FSTL4: variants seen among roughly 807,000 people sequenced by gnomAD.
FSTL4 encodes the protein follistatin-related protein 4.
FSTL4 carries 28 observed loss-of-function variants against 78.2 expected under a neutral mutation model. The observed-to-expected ratio is 0.36, with a 90% confidence interval of 0.27 to 0.49. FSTL4 has a LOEUF of 0.49. FSTL4 is among the 20% of genes least tolerant of loss of function. The pLI, the probability that FSTL4 is intolerant of heterozygous loss-of-function variation, is 0.98. For missense variants in FSTL4, 922 were observed against 1,084.9 expected, an observed-to-expected ratio of 0.85 and a Z score of 2.11; for synonymous variants, 422 against 440.5, an observed-to-expected ratio of 0.96 and a Z score of 0.53.
chr5:133,598,161 A>G (rs1272534579), intron 2 of FSTL4, among the ~76,000 whole-genome samples: 1 of 152,086 alleles, frequency 6.6e-6, no homozygotes, highest in African/African-American at 2.4e-5. Flanking sequence ...TGCAGTCAGC[A>G]TCATGTCAGC....
the FSTL4 span, among the ~76,000 whole-genome samples, chr5:133,785,085 C>T: frequency 0.14 from 21,628 of 152,136 alleles, 1,693 homozygotes; most frequent in East Asian, 0.32. Context: ...GATCTACTCC[C>T]GACAGGGCAC....
the FSTL4 span, among the ~76,000 whole-genome samples, chr5:133,789,342 T>C: frequency 1.3e-5 from 2 of 152,318 alleles, no homozygotes; most frequent in East Asian, 3.9e-4. Flanking sequence ...ACTCTTAATA[T>C]CAGGCATTAG....
intron 3 of FSTL4, among the ~76,000 whole-genome samples, chr5:133,530,619 T>C (rs1260588550): frequency 6.6e-6 from 1 of 152,198 alleles, no homozygotes; most frequent in Non-Finnish European, 1.5e-5. Flanking sequence ...CTGGAGAACA[T>C]ATGAGTTTAG....
In FSTL4 at chr5:133,233,780, C is replaced by G. The variant is rs142275476; in HGVS notation, c.895-243G>C. Among the ~76,000 whole-genome samples, 275 of 152,300 alleles carry G rather than the reference C, an allele frequency of 1.8e-3. 1 individual carries two copies. The highest frequency in any genetic ancestry group is 2.8e-3 in the Non-Finnish European group (191 of 68,030). ...AGGCCTTGTGTACCTGGCCCCTCCT[C>G]CACGAGGCCCGGTTTGAACACATCC... is the stretch of plus-strand genomic sequence containing the variant. On this transcript the variant is annotated intron_variant, in intron 7 of 15. Transcript: ENST00000265342.
chr5:133,687,142 C>A, the FSTL4 span, among the ~76,000 whole-genome samples: 1 of 152,088 alleles, frequency 6.6e-6, no homozygotes, highest in Non-Finnish European at 1.5e-5. Context: ...GACTGAGGAC[C>A]CCACATGTCA....
intron 4 of FSTL4, among the ~76,000 whole-genome samples, chr5:133,317,679 G>A (rs531138723): frequency 6.6e-6 from 1 of 152,240 alleles, no homozygotes; most frequent in Non-Finnish European, 1.5e-5. Context: ...TTGAGCTCTA[G>A]CTCTGCTGCC....
At chr5:133,387,789 G>C (rs1398109605) in intron 4 of FSTL4, 2 of 152,164 alleles carry the variant, frequency 1.3e-5, no homozygotes, top group African/African-American at 4.8e-5. Flanking sequence ...AGCCCTGCAT[G>C]CTTTCTGGGG....
At chr5:133,657,015 A>C in the FSTL4 span, among the ~76,000 whole-genome samples, 1 of 152,234 alleles carries the variant, frequency 6.6e-6, no homozygotes, top group Non-Finnish European at 1.5e-5. Flanking sequence ...ATTGACTAAG[A>C]TGGAGAAGAT....
the FSTL4 span, among the ~76,000 whole-genome samples, chr5:133,700,862 G>A: frequency 4.0e-4 from 61 of 152,250 alleles, no homozygotes; most frequent in African/African-American, 1.3e-3. Flanking sequence ...AGTTATTCCC[G>A]GCCTTCATTT....
chr5:133,465,955 C>T (rs1451969282), intron 3 of FSTL4, among the ~76,000 whole-genome samples: 1 of 152,196 alleles, frequency 6.6e-6, no homozygotes. Flanking sequence ...AACAAGCTTC[C>T]AGTGCTTATG....
At chr5:133,630,215 T>C in the FSTL4 span, among the ~76,000 whole-genome samples, 1 of 152,284 alleles carries the variant, frequency 6.6e-6, no homozygotes, top group Admixed American at 6.5e-5. Context: ...TTGTCTCTGT[T>C]TGCAGATGAC....
At chr5:133,834,977 A>G in the FSTL4 span, among the ~76,000 whole-genome samples, 1 of 152,122 alleles carries the variant, frequency 6.6e-6, no homozygotes, top group Non-Finnish European at 1.5e-5. Flanking sequence ...CACTGAACAT[A>G]TATGTGTAAA....
the FSTL4 span, among the ~76,000 whole-genome samples, chr5:133,835,764 A>G: frequency 3.9e-4 from 60 of 152,262 alleles, no homozygotes; most frequent in Non-Finnish European, 7.2e-4. Context: ...AAAAAAATAT[A>G]TGGGAGAAAA....
At chr5:133,748,458 C>A in the FSTL4 span, among the ~76,000 whole-genome samples, 1 of 151,964 alleles carries the variant, frequency 6.6e-6, no homozygotes, top group South Asian at 2.1e-4. Context: ...GTAATCCCAG[C>A]TACTCTGGAG....
At chr5:133,219,732 C>T (rs766161180) in intron 12 of FSTL4, among the ~76,000 whole-genome samples, 5 of 152,350 alleles carry the variant, frequency 3.3e-5, no homozygotes, top group Non-Finnish European at 1.5e-5. Flanking sequence ...GCTTCTTATC[C>T]AGGAAAACTG....
At chr5:133,809,019 C>T in the FSTL4 span, among the ~76,000 whole-genome samples, 1 of 152,012 alleles carries the variant, frequency 6.6e-6, no homozygotes, top group Non-Finnish European at 1.5e-5. Flanking sequence ...GTTGTGTGAA[C>T]TTGAGTATAA....
chr5:133,268,184 A>G (rs1367985875), intron 6 of FSTL4, among the ~76,000 whole-genome samples: 1 of 152,210 alleles, frequency 6.6e-6, no homozygotes, highest in Non-Finnish European at 1.5e-5. Context: ...CCCACTCAAC[A>G]GGCTTTAGCA....
At position 133,405,216 on chromosome 5, in the gene FSTL4, T is replaced by A. The variant is rs566374889; in HGVS notation, c.161-4230A>T. ...TCCACAACCTCACCCCAACTCACTA[T>A]GAGGCCTCAATGAGGTGATGGCTTG... On this transcript the variant is annotated intron_variant, in intron 3 of 15. Transcript: ENST00000265342. 2.6e-5 allele frequency among the ~76,000 whole-genome samples: 4 copies of A among 152,292 alleles called. No homozygotes were observed. In the South Asian group the frequency reaches 8.3e-4, roughly 32 times the overall value.
At chr5:133,716,945 GC>G in the FSTL4 span, among the ~76,000 whole-genome samples, 1 of 152,152 alleles carries the variant, frequency 6.6e-6, no homozygotes, top group Non-Finnish European at 1.5e-5. Context: ...TTGTCCCTTG[GC>G]CAATGGCCAG....
Sources: gnomAD v4.1 joint callset for allele counts (sites outside exome capture counted in the v4.1 genomes callset) on GRCh38, gnomAD v4.1.1 for gene constraint, MANE v1.5 for transcripts, NCBI Gene and HGNC (gene_info 2026-07-23, HGNC 2026-07-21) for gene names.